ERBIN: variants seen among roughly 807,000 people sequenced by gnomAD.
ERBIN encodes the protein erbb2 interacting protein.
A neutral mutation model predicts 158.4 loss-of-function variants in ERBIN; 60 were observed. That is an observed-to-expected ratio of 0.38 (90% CI 0.31 to 0.47). The LOEUF is 0.47. Among genes scored for constraint, ERBIN ranks in the 20% least tolerant of loss-of-function variants. The pLI, the probability that ERBIN is intolerant of heterozygous loss-of-function variation, is 0.99. For missense variants in ERBIN, 1,610 were observed against 1,648.0 expected, an observed-to-expected ratio of 0.98 and a Z score of 0.40; for synonymous variants, 594 against 557.2, an observed-to-expected ratio of 1.07 and a Z score of -0.93.
At chr5:66,050,987 GT>G in intron 20 of ERBIN, 21 bp downstream of exon 20, 3 of 1,519,972 alleles carry the variant, frequency 2.0e-6, no homozygotes, top group Admixed American at 2.0e-5. Context: ...CTCTTTTACA[GT>G]TTTTTATTTA....
intron 14 of ERBIN, among the ~76,000 whole-genome samples, chr5:66,033,409 T>G (rs1259074149): frequency 6.6e-6 from 1 of 152,178 alleles, no homozygotes; most frequent in African/African-American, 2.4e-5. Flanking sequence ...ACTAAGAGGC[T>G]TAAAGAGAGT....
intron 1 of ERBIN, among the ~76,000 whole-genome samples, chr5:65,985,958 A>G (rs144965146): frequency 1.1e-3 from 166 of 152,022 alleles, no homozygotes; most frequent in African/African-American, 3.9e-3. Flanking sequence ...TGGCGTTTAG[A>G]ATATCACACT....
chr5:66,072,318 G>A, intron 22 of ERBIN, 27 bp downstream of exon 22: 1 of 1,548,642 alleles, frequency 6.5e-7, no homozygotes, highest in South Asian at 1.2e-5. Context: ...ACAAAATGTA[G>A]TATCTGTGAG....
Position 66,054,013 on chromosome 5 carries a change from G to T in ERBIN, c.2695G>T (p.Val899Phe), listed in dbSNP as rs142415371. The T allele has an allele frequency of 6.2e-7, 1 of 1,613,984 alleles. No individual in the cohort carries two copies. The highest frequency in any genetic ancestry group is 1.7e-5 in the Admixed American group (1 of 59,976). Residue 899 changes from valine to phenylalanine, a missense_variant, in exon 21 of 26, where the codon GTT becomes TTT. Around this residue, in one of 2 missense-constraint regions of ERBIN, gnomAD observed 1,014 missense variants for 936.1 expected, o/e 1.08. Coordinates refer to ENST00000284037, the MANE Select transcript of ERBIN (RefSeq NM_001253697.2). ...TGGACCTCAGCAGCCAAGTACAACC[G>T]TTAAAATCACATCTGCTGTTGATGG... ...DNGPQQPSTT[V>F]KITSAVDGKN...
chr5:66,071,489 A>G (rs1293445309), intron 21 of ERBIN, among the ~76,000 whole-genome samples: 2 of 152,242 alleles, frequency 1.3e-5, no homozygotes, highest in African/African-American at 4.8e-5. Flanking sequence ...TAAAGATATT[A>G]ACCAGTTAAT....
intron 21 of ERBIN, chr5:66,055,219 A>G (rs749360878): frequency 1.1e-5 from 7 of 641,472 alleles, no homozygotes; most frequent in Non-Finnish European, 1.5e-5. Flanking sequence ...GAGATTGTGC[A>G]CACATACTAA....
Position 65,969,556 on chromosome 5 carries a change from A to G in ERBIN, c.-57-19079A>G, listed in dbSNP as rs1395678023. On this transcript the variant is annotated intron_variant, in intron 1 of 25. Transcript: ENST00000284037. ...AATCTAGACTCAAATGTAAAGCAGT[A>G]TTATTTCCAAAGCCAGCTACTTTTG... Among the ~76,000 whole-genome samples the G allele has an allele frequency of 4.6e-5, 7 of 152,254 alleles. No homozygotes were observed. In the East Asian group the frequency reaches 1.3e-3, roughly 29 times the overall value.
intron 1 of ERBIN, among the ~76,000 whole-genome samples, chr5:65,967,474 T>C (rs1220484901): frequency 6.6e-6 from 1 of 152,228 alleles, no homozygotes; most frequent in Non-Finnish European, 1.5e-5. Context: ...ATACTTATCA[T>C]TGTGTCACAG....
intron 1 of ERBIN, among the ~76,000 whole-genome samples, chr5:65,983,512 G>A (rs569957621): frequency 1.3e-4 from 19 of 151,914 alleles, no homozygotes; most frequent in Middle Eastern, 3.4e-3. Flanking sequence ...GGTTAATAAT[G>A]TTCATAAAAT....
At chr5:65,933,824 C>T (rs1457702628) in intron 1 of ERBIN, among the ~76,000 whole-genome samples, 2 of 152,126 alleles carry the variant, frequency 1.3e-5, no homozygotes, top group Non-Finnish European at 2.9e-5. Flanking sequence ...CAATGACTGA[C>T]ATATGGAAAA....
intron 19 of ERBIN, 105 bp from the exon 20 acceptor site, chr5:66,050,678 C>T: frequency 1.7e-6 from 1 of 599,122 alleles, no homozygotes; most frequent in Non-Finnish European, 2.8e-6. Context: ...TTTATTACCT[C>T]ATATATAGAA....
intron 4 of ERBIN, among the ~76,000 whole-genome samples, chr5:66,003,418 G>T (rs1464483252): frequency 1.3e-5 from 2 of 152,140 alleles, no homozygotes; most frequent in Non-Finnish European, 2.9e-5. Context: ...GAAAATAACG[G>T]TTTGCCGTGG....
At chr5:66,060,039 G>T (rs1760091633) in intron 21 of ERBIN, among the ~76,000 whole-genome samples, 1 of 152,226 alleles carries the variant, frequency 6.6e-6, no homozygotes, top group South Asian at 2.1e-4. Context: ...GTATCAGGAT[G>T]ATGCTGGCCT....
chr5:66,073,842 T>G (rs1218778386), intron 22 of ERBIN, among the ~76,000 whole-genome samples: 1 of 152,102 alleles, frequency 6.6e-6, no homozygotes, highest in African/African-American at 2.4e-5. Context: ...CACAAAAATC[T>G]TTTTATATGC....
intron 16 of ERBIN, 51 bp downstream of exon 16, chr5:66,043,249 A>C (rs892571809): frequency 1.5e-5 from 24 of 1,579,138 alleles, no homozygotes; most frequent in Non-Finnish European, 2.0e-5. Flanking sequence ...GCTGATATTT[A>C]AGTTGGTATT....
intron 22 of ERBIN, 112 bp from the exon 23 acceptor site, chr5:66,074,912 T>C: frequency 1.1e-6 from 1 of 870,566 alleles, no homozygotes; most frequent in South Asian, 1.8e-5. Context: ...ATTGTTTGAC[T>C]TAATTAGAAT....
chr5:66,055,079 G>C, intron 21 of ERBIN, 128 bp downstream of exon 21: 1 of 1,414,854 alleles, frequency 7.1e-7, no homozygotes, highest in Non-Finnish European at 9.2e-7. Flanking sequence ...CTGGTACTGG[G>C]AATAGAGTTC....
chr5:66,078,419 C>T lies in ERBIN; in HGVS notation c.4132-4C>T, dbSNP rs760031656. On this transcript the variant is annotated splice_polypyrimidine_tract_variant and splice_region_variant and intron_variant, in intron 25 of 25. Coordinates refer to ENST00000284037, the MANE Select transcript of ERBIN (RefSeq NM_001253697.2). ...TTTTCCTAAAAGCATTTTTCCTCTT[C>T]TAGGCTAATGGCTACAGTTTTATAA... The T allele has an allele frequency of 6.4e-7, 1 of 1,556,338 alleles. No homozygotes were observed. The highest frequency in any genetic ancestry group is 2.0e-5 in the Admixed American group (1 of 48,938).
At chr5:66,046,156 A>G (rs937902484) in intron 17 of ERBIN, among the ~76,000 whole-genome samples, 197 bp from the exon 18 acceptor site, 1 of 152,214 alleles carries the variant, frequency 6.6e-6, no homozygotes, top group Non-Finnish European at 1.5e-5. Context: ...AATGTGGCTC[A>G]TGGATCTTTG....
Sources: gnomAD v4.1 joint callset for allele counts (sites outside exome capture counted in the v4.1 genomes callset) on GRCh38, gnomAD v4.1.1 for gene constraint, gnomAD v4.1.1 regional missense constraint, MANE v1.5 for transcripts, NCBI Gene and HGNC (gene_info 2026-07-23, HGNC 2026-07-21) for gene names.